The following SLC25A13 variants were observed in gnomAD, a reference collection of about 807,000 sequenced individuals.
SLC25A13 encodes electrogenic aspartate/glutamate antiporter SLC25A13, mitochondrial.
Under a neutral mutation model 85.5 loss-of-function variants are expected in SLC25A13, and 70 were observed. The ratio of observed to expected loss-of-function variants is 0.82; its 90% CI spans 0.68 to 1.00. The LOEUF (loss-of-function observed/expected upper bound fraction) is 1.00, where lower values mean the gene tolerates loss of function less well. SLC25A13 is among the 50% of genes least tolerant of loss of function. The probability of loss-of-function intolerance (pLI) is 0.00; values close to 1 mark genes in which losing one functional copy is unlikely to be tolerated. For synonymous variants in SLC25A13, 259 were observed against 288.7 expected (o/e 0.90, Z 1.04); for missense variants, 765 against 819.8 (o/e 0.93, Z 0.82).
At chr7:96,257,264 A>G (rs911817844) in intron 3 of SLC25A13, among the ~76,000 whole-genome samples, 3 of 152,212 alleles carry the variant, frequency 2.0e-5, no homozygotes, top group African/African-American at 4.8e-5. Flanking sequence ...AAAAAAATCA[A>G]TGAATCCAGG....
intron 13 of SLC25A13, among the ~76,000 whole-genome samples, chr7:96,163,412 T>C (rs1021700000): frequency 1.3e-5 from 2 of 152,184 alleles, no homozygotes; most frequent in African/African-American, 4.8e-5. Flanking sequence ...CAGATGAGTC[T>C]GGCCCCAGCT....
intron 6 of SLC25A13, among the ~76,000 whole-genome samples, chr7:96,192,409 A>C (rs1344803235): frequency 6.6e-6 from 1 of 152,208 alleles, no homozygotes; most frequent in Admixed American, 6.5e-5. Flanking sequence ...AAGAGATCTC[A>C]GAATCTGTAG....
chr7:96,260,577 C>T (rs1045954205), intron 3 of SLC25A13, among the ~76,000 whole-genome samples: 3 of 152,082 alleles, frequency 2.0e-5, no homozygotes, highest in Admixed American at 2.0e-4. Context: ...CACAGCCTGC[C>T]TCTCTAATTG....
intron 2 of SLC25A13, among the ~76,000 whole-genome samples, chr7:96,286,467 A>T (rs1798890658): frequency 6.6e-6 from 1 of 151,964 alleles, no homozygotes; most frequent in South Asian, 2.1e-4. Flanking sequence ...TCTTTGCCTA[A>T]AAAGGTCTTC....
intron 3 of SLC25A13, among the ~76,000 whole-genome samples, chr7:96,237,373 T>C (rs748602679): frequency 2.6e-5 from 4 of 152,124 alleles, no homozygotes; most frequent in Non-Finnish European, 5.9e-5. Flanking sequence ...AACAAATGGA[T>C]GTGCTGTATT....
At chr7:96,212,994 C>T (rs1436073185) in intron 4 of SLC25A13, among the ~76,000 whole-genome samples, 1 of 152,128 alleles carries the variant, frequency 6.6e-6, no homozygotes, top group African/African-American at 2.4e-5. Context: ...TTAAAGGAAA[C>T]CTACCAATAT....
intron 2 of SLC25A13, among the ~76,000 whole-genome samples, chr7:96,292,190 C>T (rs567346184): frequency 6.6e-6 from 1 of 152,282 alleles, no homozygotes; most frequent in East Asian, 1.9e-4. Context: ...ACATTATTAT[C>T]TCAATAGATG....
At chr7:96,186,841 C>T (rs1464340047) in intron 9 of SLC25A13, among the ~76,000 whole-genome samples, 1 of 151,978 alleles carries the variant, frequency 6.6e-6, no homozygotes, top group East Asian at 1.9e-4. Flanking sequence ...AAAATGATGT[C>T]ACTTTTTATT....
At chr7:96,289,246 A>G (rs562114789) in intron 2 of SLC25A13, among the ~76,000 whole-genome samples, 1 of 152,284 alleles carries the variant, frequency 6.6e-6, no homozygotes, top group South Asian at 2.1e-4. Flanking sequence ...CCACACCAAA[A>G]CCCCATCTGT....
At chr7:96,306,476 C>A (rs1274008234) in intron 1 of SLC25A13, among the ~76,000 whole-genome samples, 2 of 152,248 alleles carry the variant, frequency 1.3e-5, no homozygotes, top group Non-Finnish European at 2.9e-5. Flanking sequence ...GACTTCTGAC[C>A]TCTTGGGCAA....
At chr7:96,133,016 A>G (rs1033063376) in intron 14 of SLC25A13, among the ~76,000 whole-genome samples, 1 of 152,216 alleles carries the variant, frequency 6.6e-6, no homozygotes. Flanking sequence ...ATGAATTACT[A>G]TTAACTCAAG....
chr7:96,260,133 C>T (rs904555163), intron 3 of SLC25A13, among the ~76,000 whole-genome samples: 3 of 151,896 alleles, frequency 2.0e-5, no homozygotes, highest in African/African-American at 7.3e-5. Flanking sequence ...CAGCAAACCA[C>T]CATGGCACAT....
At chr7:96,296,856 C>T in intron 2 of SLC25A13, 42 bp downstream of exon 2, 1 of 1,540,396 alleles carries the variant, frequency 6.5e-7, no homozygotes, top group African/African-American at 1.4e-5. Context: ...AGTTATAGAA[C>T]ACAAATCAAA....
At chr7:96,242,773 C>T (rs1344111433) in intron 3 of SLC25A13, among the ~76,000 whole-genome samples, 1 of 152,198 alleles carries the variant, frequency 6.6e-6, no homozygotes, top group Non-Finnish European at 1.5e-5. Flanking sequence ...CGAGTTGTCC[C>T]ACCTTTCTGG....
At chr7:96,142,824 G>C (rs563471704) in intron 14 of SLC25A13, among the ~76,000 whole-genome samples, 1 of 152,144 alleles carries the variant, frequency 6.6e-6, no homozygotes, top group South Asian at 2.1e-4. Flanking sequence ...GAATAAATAA[G>C]AATGTACTGA....
chr7:96,229,196 A>C (rs997629362), intron 4 of SLC25A13, among the ~76,000 whole-genome samples: 2 of 152,210 alleles, frequency 1.3e-5, no homozygotes, highest in African/African-American at 4.8e-5. Flanking sequence ...GACTCGGAGA[A>C]CTTTTATGTC....
intron 9 of SLC25A13, 69 bp from the exon 10 acceptor site, chr7:96,185,080 AC>A: frequency 7.9e-7 from 1 of 1,267,582 alleles, no homozygotes; most frequent in Non-Finnish European, 1.1e-6. Context: ...AACAAAAATG[AC>A]CATACATTAA....
At chr7:96,311,810 T>TA (rs533791751) in intron 1 of SLC25A13, among the ~76,000 whole-genome samples, 8 of 150,352 alleles carry the variant, frequency 5.3e-5, no homozygotes, top group Non-Finnish European at 1.0e-4. Context: ...TGACAAAGGC[T>TA]AAAAAAAAAG....
intron 15 of SLC25A13, among the ~76,000 whole-genome samples, chr7:96,123,477 T>G (rs1791598639): frequency 6.6e-6 from 1 of 152,192 alleles, no homozygotes; most frequent in Admixed American, 6.5e-5. Context: ...AAAGTTCCCT[T>G]TGGCTAGGGT....
Sources: gnomAD v4.1 joint callset for allele counts (sites outside exome capture counted in the v4.1 genomes callset) on GRCh38, gnomAD v4.1.1 for gene constraint, MANE v1.5 for transcripts, NCBI Gene and HGNC (gene_info 2026-07-23, HGNC 2026-07-21) for gene names.